The following DUXB variants were observed in gnomAD, a reference collection of about 807,000 sequenced individuals.
DUXB encodes double homeobox B.
In DUXB, 22 loss-of-function variants were observed where a neutral mutation model predicts 8.9. That is an observed-to-expected ratio of 2.46 (90% CI 1.76 to 3.52). The LOEUF (loss-of-function observed/expected upper bound fraction) is 3.52. DUXB is among the 30% of genes most tolerant of loss of function. The pLI, the probability that DUXB is intolerant of heterozygous loss-of-function variation, is 0.00. For missense variants in DUXB, 237 were observed against 108.7 expected, an observed-to-expected ratio of 2.18 and a Z score of -5.25; for synonymous variants, 84 against 37.6, an observed-to-expected ratio of 2.23 and a Z score of -4.52.
At chr16:75,694,971 G>A (rs1357994629) in intron 4 of DUXB, among the ~76,000 whole-genome samples, 2 of 152,092 alleles carry the variant, frequency 1.3e-5, no homozygotes, top group Non-Finnish European at 2.9e-5. Flanking sequence ...AGGGATGACT[G>A]TATATGAAAT....
chr16:75,699,025 T>G (rs1331692035), intron 2 of DUXB, among the ~76,000 whole-genome samples: 2 of 152,064 alleles, frequency 1.3e-5, no homozygotes, highest in African/African-American at 4.8e-5. Flanking sequence ...ATACATGTTT[T>G]TGGAGAGATG....
chr16:75,700,835 T>C (rs188678177), intron 1 of DUXB, among the ~76,000 whole-genome samples: 149 of 152,290 alleles, frequency 9.8e-4, no homozygotes, highest in African/African-American at 2.9e-3. Flanking sequence ...ATTTTTACTT[T>C]AGGCATAGAG....
rs565492734 is a variant in DUXB at position 75,694,060 on chromosome 16, G to A, written c.907C>T (p.Pro303Ser). 1.5e-5 allele frequency: 6 copies of A among 409,312 alleles called. No individual in the cohort carries two copies. The East Asian group carries it at 2.1e-4, about 14-fold the overall frequency. 25.4% of individuals were successfully genotyped at this position (409,312 alleles called of 1,614,324 possible). ...GVPQVKSHSQ[P>S]EPEHREQQPL... ...TGTTGCTCCCTGTGCTCAGGTTCAG[G>A]CTGAGAATGGCTCTTGACCTGTGGT... Residue 303 changes from proline (P) to serine (S), a missense_variant, in exon 5 of 5, where the codon CCT (proline) becomes TCT (serine). By Grantham distance (74) the Pro-to-Ser change is moderately conservative (BLOSUM62 -1). Coordinates refer to ENST00000633875, the MANE Select transcript of DUXB (RefSeq NM_001351307.2).
At chr16:75,699,806 C>T (rs1356677695) in intron 2 of DUXB, among the ~76,000 whole-genome samples, 1 of 152,242 alleles carries the variant, frequency 6.6e-6, no homozygotes, top group Non-Finnish European at 1.5e-5. Context: ...CGTCATCCGC[C>T]TGCCTTGGCC....
Position 75,700,928 on chromosome 16 carries a change from G to C in DUXB, c.25+466C>G, listed in dbSNP as rs993296572. Among the ~76,000 whole-genome samples the C allele has an allele frequency of 1.5e-4, 23 of 152,078 alleles. 1 individual carries two copies. Among genetic ancestry groups the C allele is most frequent in the Non-Finnish European group, 3.2e-4 (22 of 68,010 alleles). On this transcript the variant is annotated intron_variant, in intron 1 of 4. Transcript: ENST00000633875. ...AATCAATGACCTAAGTTTCCAAAGAGAGAACTTACGGAAAATGTACAAAAT... is the reference window on the plus strand; with the variant it reads ...AATCAATGACCTAAGTTTCCAAAGACAGAACTTACGGAAAATGTACAAAAT...
At chr16:75,697,908 C>A (rs927842009) in intron 2 of DUXB, among the ~76,000 whole-genome samples, 2 of 152,186 alleles carry the variant, frequency 1.3e-5, no homozygotes, top group African/African-American at 4.8e-5. Flanking sequence ...TTATGAGAAT[C>A]TAACTAATAG....
At chr16:75,700,273 C>T (rs567347290) in intron 1 of DUXB, 104 bp from the exon 2 acceptor site, 81 of 574,628 alleles carry the variant, frequency 1.4e-4, no homozygotes, top group African/African-American at 1.2e-3. Flanking sequence ...CTCACTCTGT[C>T]GCCCAGATTG....
intron 1 of DUXB, among the ~76,000 whole-genome samples, 198 bp downstream of exon 1, chr16:75,701,196 A>T (rs2086373356): frequency 6.6e-6 from 1 of 152,232 alleles, no homozygotes; most frequent in African/African-American, 2.4e-5. Context: ...CATGGCTGCC[A>T]TCTTACATTT....
chr16:75,694,526 CT>C lies in DUXB; in HGVS notation c.442-2del, dbSNP rs1567521052. ...GAGATCTTTGTTTCTGAAACCACAT[CT>C]AAATGAGAAAAAGGGCAACATGACA... On this transcript the variant is annotated splice_acceptor_variant, in intron 4 of 4. Transcript: ENST00000633875. LOFTEE classifies it high-confidence loss of function. 1 of 702,894 alleles carries C rather than the reference CT, an allele frequency of 1.4e-6. No homozygotes were observed. 43.5% of individuals were successfully genotyped at this position (702,894 alleles called of 1,614,324 possible).
chr16:75,700,797 G>A (rs537328111), intron 1 of DUXB, among the ~76,000 whole-genome samples: 37 of 152,158 alleles, frequency 2.4e-4, no homozygotes, highest in Non-Finnish European at 3.1e-4. Context: ...GTGAGCCACC[G>A]CACCCGTACT....
Position 75,697,119 on chromosome 16 carries a change from A to T in DUXB, c.181-176T>A, listed in dbSNP as rs572465731. On this transcript the variant is annotated intron_variant, in intron 2 of 4. Transcript: ENST00000633875. ...TGCTATTGGCATATGATTCAGGACC[A>T]CACACGCATCTCCCTTCAAATCAAA... Among the ~76,000 whole-genome samples the T allele has an allele frequency of 1.4e-4, 22 of 152,346 alleles. No homozygotes were observed. The South Asian group carries it at 2.5e-3, about 17-fold the overall frequency.
intron 2 of DUXB, among the ~76,000 whole-genome samples, chr16:75,699,204 T>G (rs1279896443): frequency 6.6e-6 from 1 of 152,180 alleles, no homozygotes; most frequent in East Asian, 1.9e-4. Context: ...TGTCAGTTAT[T>G]CTATTTAAAA....
At chr16:75,698,657 T>C (rs1959196191) in intron 2 of DUXB, 1 of 152,248 alleles carries the variant, frequency 6.6e-6, no homozygotes, top group Non-Finnish European at 1.5e-5. Context: ...TCACTCCTCC[T>C]TAGGCACCCT....
chr16:75,699,846 C>G (rs529397523), intron 2 of DUXB, among the ~76,000 whole-genome samples, 169 bp downstream of exon 2: 1 of 152,238 alleles, frequency 6.6e-6, no homozygotes, highest in Admixed American at 6.5e-5. Context: ...CAGGCGTGAG[C>G]CACCGCGCCC....
intron 2 of DUXB, among the ~76,000 whole-genome samples, chr16:75,697,882 C>A (rs1244582218): frequency 6.6e-6 from 1 of 152,096 alleles, no homozygotes; most frequent in Non-Finnish European, 1.5e-5. Context: ...GTTGAGGGAT[C>A]CAGGTTGTGA....
chr16:75,696,111 G>C lies in DUXB; in HGVS notation c.291C>G (p.Tyr97Ter), dbSNP rs769254359. ...GTTTTTGTCGGGCTTCTTTAGGTAA[G>C]TATTCTAAAGGAGAACACAGAAGCT... ...HDQSQHLTQE[Y>*]LPKEARQKQT... The change falls in exon 4 of 5, where the codon TAC (tyrosine) becomes TAG (stop). Residue 97 changes from tyrosine to a stop codon, truncating the protein, a stop_gained. Transcript: ENST00000633875. LOFTEE classifies it high-confidence loss of function. 1 of 699,968 alleles carries C rather than the reference G, an allele frequency of 1.4e-6. No individual in the cohort carries two copies. Among genetic ancestry groups the C allele is most frequent in the South Asian group, 1.5e-5 (1 of 67,440 alleles). 43.4% of individuals were successfully genotyped at this position (699,968 alleles called of 1,614,324 possible).
chr16:75,695,501 C>A (rs2082598490), intron 4 of DUXB, among the ~76,000 whole-genome samples: 1 of 152,186 alleles, frequency 6.6e-6, no homozygotes, highest in South Asian at 2.1e-4. Context: ...AGAAAATACT[C>A]CTTGGGGGCC....
intron 2 of DUXB, among the ~76,000 whole-genome samples, chr16:75,699,319 C>A (rs959557769): frequency 6.6e-6 from 1 of 152,124 alleles, no homozygotes; most frequent in African/African-American, 2.4e-5. Flanking sequence ...GCATTCTTAC[C>A]CCAGTTTCCT....
At chr16:75,695,813 C>T (rs972378979) in intron 4 of DUXB, 148 bp downstream of exon 4, 21 of 594,058 alleles carry the variant, frequency 3.5e-5, no homozygotes, top group South Asian at 2.1e-4. Context: ...TTGACAAAAA[C>T]GGGACTTTCA....
Sources: allele counts gnomAD v4.1 joint callset (sites outside exome capture counted in the v4.1 genomes callset), GRCh38; gene constraint gnomAD v4.1.1; transcripts MANE v1.5; gene names NCBI Gene and HGNC (gene_info 2026-07-23, HGNC 2026-07-21).